Variants in CIITA observed in about 807,000 individuals in gnomAD.
CIITA encodes the protein class II major histocompatibility complex transactivator.
In CIITA, 72 loss-of-function variants were observed where a neutral mutation model predicts 115.1. The ratio of observed to expected loss-of-function variants is 0.63; its 90% CI spans 0.52 to 0.76. The LOEUF (loss-of-function observed/expected upper bound fraction) is 0.76, where lower values mean the gene tolerates loss of function less well. Ranked by LOEUF, CIITA falls within the 30% of genes least tolerant of loss-of-function variation. The pLI, the probability that CIITA is intolerant of heterozygous loss-of-function variation, is 0.00. For missense variants in CIITA, 1,617 were observed against 1,463.8 expected (o/e 1.10, Z -1.71); for synonymous variants, 763 against 635.6 (o/e 1.20, Z -3.02).
At position 10,923,339 on chromosome 16, in the gene CIITA, G is replaced by T; in HGVS notation, c.*22+14G>T. The T allele has an allele frequency of 6.7e-7, 1 of 1,494,986 alleles. No individual in the cohort carries two copies. 92.6% of individuals were successfully genotyped at this position (1,494,986 alleles called of 1,614,324 possible). ...GCTCTGGACAGGGTAACCAGGGTGG[G>T]CTTGGGAGGGGAGAGCCGCAGTGGG... On this transcript the variant is annotated intron_variant, in intron 19 of 19. Coordinates refer to ENST00000324288, the MANE Select transcript of CIITA (RefSeq NM_000246.4). This position sits in a 1 kb window ranked among gnomAD's most constrained non-coding sequence, Gnocchi z 5.2.
intron 1 of CIITA, among the ~76,000 whole-genome samples, chr16:10,884,820 G>A (rs948809254): frequency 4.6e-5 from 7 of 152,128 alleles, no homozygotes; most frequent in South Asian, 2.1e-4. Context: ...TTCTCTGTGT[G>A]GAACTGGCCT....
chr16:10,922,828 A>T lies in CIITA; in HGVS notation c.3317+338A>T, dbSNP rs2040347071. On this transcript the variant is annotated intron_variant, in intron 18 of 19. Transcript: ENST00000324288. ...TTTGACCTGTAAAATTGGCAATTTC[A>T]TATGGTTCAGGTTTATCTTTTATTA... 5.9e-6 allele frequency: 3 copies of T among 512,806 alleles called. No individual in the cohort carries two copies. The East Asian group carries it at 1.0e-4, about 18-fold the overall frequency. 31.8% of individuals were successfully genotyped at this position (512,806 alleles called of 1,614,324 possible).
chr16:10,893,804 TAAAAAAAAAAAAAA>T (rs71136603), intron 1 of CIITA, among the ~76,000 whole-genome samples: 521 of 32,194 alleles, frequency 0.016, 17 homozygotes, highest in African/African-American at 0.051. Context: ...GACTCCGTCT[TAAAAAAAAAAAAAA>T]AAAAAAAAAA....
In CIITA at chr16:10,927,237, T is replaced by A. The variant is rs77623563; in HGVS notation, c.*3382T>A. The A allele has an allele frequency of 6.6e-6, 1 of 152,248 alleles. No individual in the cohort carries two copies. The allele number at this position is 152,248 out of a possible 1,614,324, so 9.4% of individuals were successfully genotyped here. A position where few individuals can be genotyped will look rare whatever the true frequency, so the allele number is the denominator to read the frequency against. On this transcript the variant is annotated 3_prime_UTR_variant, in exon 20 of 20. Coordinates refer to ENST00000324288, the MANE Select transcript of CIITA (RefSeq NM_000246.4). ...TGTTCTTCCCAGCTCTCCATATGGC[T>A]GATTTCTCATCCTTCGGGACTTGCC...
At chr16:10,883,488 A>G (rs972782565) in intron 1 of CIITA, among the ~76,000 whole-genome samples, 7 of 152,196 alleles carry the variant, frequency 4.6e-5, no homozygotes, top group South Asian at 2.1e-4. Context: ...TGGCAAATGC[A>G]CAAGCTGGAG....
intron 16 of CIITA, 122 bp downstream of exon 16, chr16:10,918,648 C>T: frequency 1.3e-6 from 1 of 796,414 alleles, no homozygotes; most frequent in Non-Finnish European, 2.1e-6. Flanking sequence ...CAGCCCTGAA[C>T]AAAAGGATTA....
intron 1 of CIITA, among the ~76,000 whole-genome samples, chr16:10,866,968 G>A (rs1596374461): frequency 2.0e-5 from 3 of 152,176 alleles, no homozygotes; most frequent in South Asian, 2.1e-4. Context: ...AAATGGGGCC[G>A]GGTGCACTGG....
chr16:10,892,552 A>G (rs534828894), intron 1 of CIITA, among the ~76,000 whole-genome samples: 6 of 152,296 alleles, frequency 3.9e-5, no homozygotes, highest in Middle Eastern at 3.4e-3. Flanking sequence ...GTGGGTTGAA[A>G]GGTGGCCCCC....
Position 10,910,177 on chromosome 16 carries a change from G to A in CIITA, c.2817-11G>A, listed in dbSNP as rs2039463487. ...GTGCCTGCTCCCCCTAACATTGCCT[G>A]TTCTCTCCAGGACGAGAAGTTCCTC... On this transcript the variant is annotated splice_polypyrimidine_tract_variant and intron_variant, in intron 12 of 19. Coordinates refer to ENST00000324288, the MANE Select transcript of CIITA (RefSeq NM_000246.4). The A allele has an allele frequency of 6.8e-6, 11 of 1,613,432 alleles. No individual in the cohort carries two copies. Among genetic ancestry groups the A allele is most frequent in the Non-Finnish European group, 9.3e-6 (11 of 1,179,596 alleles).
rs1411629858 is a variant in CIITA at position 10,942,678 on chromosome 16, T to C, written n.1804T>C. On this transcript the variant is annotated non_coding_transcript_exon_variant, in exon 2 of 2. Coordinates refer to the CIITA transcript ENST00000573379. The surrounding 1 kb of genome is among the most constrained non-coding windows in gnomAD (Gnocchi z 5.0). ...AATCGAATTCGCTCTGCGTATCGAATAGGGGGAGGTAAAAGAGACTGAACA... is the reference window on the plus strand; with the variant it reads ...AATCGAATTCGCTCTGCGTATCGAACAGGGGGAGGTAAAAGAGACTGAACA... The C allele has an allele frequency of 2.6e-5, 4 of 152,188 alleles. No individual in the cohort carries two copies. The highest frequency in any genetic ancestry group is 6.5e-5 in the Admixed American group (1 of 15,278). The allele number at this position is 152,188 out of a possible 1,614,324, so 9.4% of individuals were successfully genotyped here. A position where few individuals can be genotyped will look rare whatever the true frequency, so the allele number is the denominator to read the frequency against.
At position 10,907,621 on chromosome 16, in the gene CIITA, G is replaced by A. The variant is rs765243279; in HGVS notation, c.2129G>A (p.Ser710Asn). Residue 710 changes from serine (S) to asparagine (N), a missense_variant, in exon 11 of 20, where the codon AGC (serine) becomes AAC (asparagine). Ser to Asn is a conservative substitution (Grantham distance 46). Coordinates refer to ENST00000324288, the MANE Select transcript of CIITA (RefSeq NM_000246.4). This position sits in a 1 kb window ranked among gnomAD's most constrained non-coding sequence, Gnocchi z 5.0. ...GCAGAGTCCGAGCTGGCCTTCCCCA[G>A]CTTCCTCCTGCAATGCTTCCTGGGG... is the stretch of plus-strand genomic sequence containing the variant. ...RAAESELAFPSFLLQCFLGAL... is the reference protein window; with the variant it reads ...RAAESELAFPNFLLQCFLGAL... 3 of 1,614,134 alleles carry A rather than the reference G, an allele frequency of 1.9e-6. No homozygotes were observed. Among genetic ancestry groups the A allele is most frequent in the Non-Finnish European group, 2.5e-6 (3 of 1,180,048 alleles).
chr16:10,901,429 GC>G lies in CIITA; in HGVS notation c.437-83del. ...ACCACTACCCAGCCTTGAAGTTAAG[GC>G]CGTATAGCCTGCTAGAGTCCTGAGC... is the stretch of plus-strand genomic sequence containing the variant. On this transcript the variant is annotated intron_variant, in intron 5 of 19. Coordinates refer to ENST00000324288, the MANE Select transcript of CIITA (RefSeq NM_000246.4). This position sits in a 1 kb window ranked among gnomAD's most constrained non-coding sequence, Gnocchi z 6.8. 6.9e-7 allele frequency: 1 copy of G among 1,447,476 alleles called. No homozygotes were observed. The highest frequency in any genetic ancestry group is 9.7e-7 in the Non-Finnish European group (1 of 1,031,914). 89.7% of individuals were successfully genotyped at this position (1,447,476 alleles called of 1,614,324 possible). A position where few individuals can be genotyped will look rare whatever the true frequency, so the allele number is the denominator to read the frequency against.
intron 5 of CIITA, 139 bp downstream of exon 5, chr16:10,899,141 G>A (rs753679157): frequency 1.8e-5 from 14 of 769,072 alleles, no homozygotes; most frequent in Non-Finnish European, 3.2e-5. Context: ...GCCAACAGGA[G>A]CCTTAAAATG....
chr16:10,900,399 C>A (rs980284748), intron 5 of CIITA, among the ~76,000 whole-genome samples: 9 of 152,148 alleles, frequency 5.9e-5, no homozygotes, highest in African/African-American at 2.2e-4. Context: ...TCTTGTTTTT[C>A]TTCTTTATGT....
intron 1 of CIITA, among the ~76,000 whole-genome samples, chr16:10,868,857 CG>C (rs1056215675): frequency 2.6e-5 from 4 of 152,190 alleles, no homozygotes; most frequent in African/African-American, 9.7e-5. Context: ...GTGTGGTCTT[CG>C]GGGAGCTGGG....
At chr16:10,917,568 C>G (rs1054171535) in intron 15 of CIITA, among the ~76,000 whole-genome samples, 2 of 151,498 alleles carry the variant, frequency 1.3e-5, no homozygotes, top group East Asian at 3.9e-4. Context: ...CAAACTTCAC[C>G]TCCTGGGTTC....
At chr16:10,871,752 C>T (rs781272689) in intron 1 of CIITA, among the ~76,000 whole-genome samples, 6 of 152,190 alleles carry the variant, frequency 3.9e-5, no homozygotes, top group Non-Finnish European at 5.9e-5. Context: ...TGGGAGTCTC[C>T]TTTGCCTCAG....
In CIITA at chr16:10,906,820, C is replaced by G. The variant is rs779878144; in HGVS notation, c.1328C>G (p.Pro443Arg). 1.2e-5 allele frequency: 19 copies of G among 1,612,854 alleles called. No homozygotes were observed. The highest frequency in any genetic ancestry group is 1.6e-5 in the Non-Finnish European group (19 of 1,180,046). The part of the protein sequence containing the change: ...VSRAWACGRL[P>R]QYDFVFSVPC... ...CGGGCCTGGGCTTGTGGCCGGCTTC[C>G]CCAGTACGACTTTGTCTTCTCTGTC... Residue 443 changes from proline (P) to arginine (R), a missense_variant, in exon 11 of 20, where the codon CCC (proline) becomes CGC (arginine). By Grantham distance (103) the Pro-to-Arg change is moderately radical. Coordinates refer to ENST00000324288, the MANE Select transcript of CIITA (RefSeq NM_000246.4).
In CIITA at chr16:10,926,729, T is replaced by G. The variant is rs562367057; in HGVS notation, c.*2874T>G. The G allele has an allele frequency of 3.9e-5, 6 of 152,232 alleles. No individual in the cohort carries two copies. Among genetic ancestry groups the G allele is most frequent in the African/African-American group, 1.4e-4 (6 of 41,526 alleles). 9.4% of individuals were successfully genotyped at this position (152,232 alleles called of 1,614,324 possible). A position where few individuals can be genotyped will look rare whatever the true frequency, so the allele number is the denominator to read the frequency against. On this transcript the variant is annotated 3_prime_UTR_variant, in exon 20 of 20. Transcript: ENST00000324288. ...CTAATTTTTGTATTTTTAGTAGAGA[T>G]GGAGTTTCACCATGTTGGCCAGGCT...
Sources: allele counts gnomAD v4.1 joint callset (sites outside exome capture counted in the v4.1 genomes callset), GRCh38; gene constraint gnomAD v4.1.1; non-coding constraint Gnocchi (gnomAD v3.1); transcripts MANE v1.5; gene names NCBI Gene and HGNC (gene_info 2026-07-23, HGNC 2026-07-21).